Variants in WDR7 observed in about 807,000 individuals in gnomAD.
The protein encoded by WDR7 is WD repeat-containing protein 7.
In WDR7, 46 loss-of-function variants were observed where a neutral mutation model predicts 169.4. The ratio of observed to expected loss-of-function variants is 0.27; its 90% CI spans 0.21 to 0.35. The LOEUF (loss-of-function observed/expected upper bound fraction) is 0.35, where lower values mean the gene tolerates loss of function less well. WDR7 is among the 10% of genes least tolerant of loss of function. WDR7 has a pLI of 1.00. For missense variants in WDR7, 1,534 were observed against 1,859.3 expected, an observed-to-expected ratio of 0.83 and a Z score of 3.22; for synonymous variants, 612 against 666.8, an observed-to-expected ratio of 0.92 and a Z score of 1.27.
chr18:56,904,242 G>A (rs2046445699), intron 21 of WDR7, among the ~76,000 whole-genome samples: 1 of 151,848 alleles, frequency 6.6e-6, no homozygotes, highest in South Asian at 2.1e-4. Context: ...GCTAATTTTT[G>A]TATTTTTAAT....
At chr18:56,700,247 A>ATTTTTTTT (rs2025794017) in intron 12 of WDR7, among the ~76,000 whole-genome samples, 1 of 72,420 alleles carries the variant, frequency 1.4e-5, no homozygotes. Context: ...TTTATTTTTC[A>ATTTTTTTT]TTTTCTTTTT....
At chr18:56,751,209 T>C (rs2043785701) in intron 14 of WDR7, among the ~76,000 whole-genome samples, 1 of 152,142 alleles carries the variant, frequency 6.6e-6, no homozygotes, top group Non-Finnish European at 1.5e-5. Context: ...ACCTTTCAGG[T>C]GTCCATGCAC....
chr18:56,760,369 C>A (rs1213652904), intron 16 of WDR7, among the ~76,000 whole-genome samples: 2 of 152,098 alleles, frequency 1.3e-5, no homozygotes, highest in African/African-American at 4.8e-5. Flanking sequence ...TACAGTTGTA[C>A]CACCTAAGTT....
intron 2 of WDR7, among the ~76,000 whole-genome samples, chr18:56,675,687 C>G (rs990854552): frequency 6.6e-6 from 1 of 151,392 alleles, no homozygotes; most frequent in Middle Eastern, 3.2e-3. Flanking sequence ...AATAGGGATG[C>G]CTTTTATTTC....
chr18:56,957,506 A>T (rs1331511893), intron 25 of WDR7: 1 of 151,952 alleles, frequency 6.6e-6, no homozygotes, highest in Non-Finnish European at 1.5e-5. Flanking sequence ...CTCTCTTAAG[A>T]TCCAGATCCA....
intron 22 of WDR7, among the ~76,000 whole-genome samples, chr18:56,925,470 G>A (rs2046793342): frequency 6.6e-6 from 1 of 152,048 alleles, no homozygotes; most frequent in African/African-American, 2.4e-5. Flanking sequence ...GTATGAAGTG[G>A]TTGGAATTCT....
At chr18:56,654,066 C>A (rs185573070) in intron 1 of WDR7, among the ~76,000 whole-genome samples, 1 of 152,170 alleles carries the variant, frequency 6.6e-6, no homozygotes, top group Non-Finnish European at 1.5e-5. Flanking sequence ...CTAATAGATA[C>A]AAAATTAAAT....
At chr18:57,010,694 T>G (rs2145914688) in intron 26 of WDR7, among the ~76,000 whole-genome samples, 1 of 152,320 alleles carries the variant, frequency 6.6e-6, no homozygotes, top group South Asian at 2.1e-4. Context: ...TAATTGGATA[T>G]TCTATTGTTA....
intron 20 of WDR7, among the ~76,000 whole-genome samples, chr18:56,853,884 T>C (rs2045678306): frequency 6.6e-6 from 1 of 152,240 alleles, no homozygotes; most frequent in African/African-American, 2.4e-5. Flanking sequence ...GCTGTAGTTG[T>C]CATTTTTATG....
At chr18:56,796,669 A>G (rs769425458) in intron 19 of WDR7, among the ~76,000 whole-genome samples, 2 of 152,222 alleles carry the variant, frequency 1.3e-5, no homozygotes, top group Non-Finnish European at 2.9e-5. Context: ...TAATTATGTA[A>G]TAATACACAA....
chr18:56,653,706 AT>A (rs1283991145), intron 1 of WDR7, among the ~76,000 whole-genome samples: 50 of 152,254 alleles, frequency 3.3e-4, no homozygotes, highest in African/African-American at 1.1e-3. Context: ...GATCTATTGC[AT>A]TGCTGTTCTT....
chr18:56,930,087 A>T (rs2046860875), intron 22 of WDR7, among the ~76,000 whole-genome samples: 1 of 152,178 alleles, frequency 6.6e-6, no homozygotes, highest in Admixed American at 6.5e-5. Flanking sequence ...CGAGCATCAC[A>T]TACTGCCACA....
intron 25 of WDR7, among the ~76,000 whole-genome samples, chr18:56,940,396 T>G (rs1282339838): frequency 2.0e-5 from 3 of 152,184 alleles, no homozygotes; most frequent in South Asian, 2.1e-4. Flanking sequence ...TCCTATCTCT[T>G]TATTTTGCAG....
At chr18:56,985,824 A>G (rs2047708542) in intron 26 of WDR7, among the ~76,000 whole-genome samples, 1 of 152,122 alleles carries the variant, frequency 6.6e-6, no homozygotes, top group Admixed American at 6.5e-5. Flanking sequence ...ATCCTAAGAA[A>G]CAGGCTTTTT....
chr18:56,871,100 A>G (rs185010009), intron 20 of WDR7, among the ~76,000 whole-genome samples: 38 of 152,258 alleles, frequency 2.5e-4, no homozygotes, highest in Non-Finnish European at 4.7e-4. Context: ...TTATTGACTA[A>G]CATTTGTAGG....
intron 12 of WDR7, among the ~76,000 whole-genome samples, chr18:56,715,458 T>C (rs2026171036): frequency 6.6e-6 from 1 of 152,172 alleles, no homozygotes; most frequent in Admixed American, 6.5e-5. Flanking sequence ...AATAGGTCAG[T>C]TAGATGTGTG....
At chr18:56,727,646 T>C (rs773943110) in intron 13 of WDR7, among the ~76,000 whole-genome samples, 2 of 152,158 alleles carry the variant, frequency 1.3e-5, no homozygotes, top group Non-Finnish European at 2.9e-5. Flanking sequence ...TATCTCCACC[T>C]CGTCCCACGC....
Position 56,761,659 on chromosome 18 carries a change from A to G in WDR7, c.2848+2706A>G, listed in dbSNP as rs1020254461. Among the ~76,000 whole-genome samples the G allele has an allele frequency of 3.9e-5, 6 of 151,972 alleles. No homozygotes were observed. In the East Asian group the frequency reaches 9.6e-4, roughly 24 times the overall value. On this transcript the variant is annotated intron_variant, in intron 16 of 27. Transcript: ENST00000254442. ...GCATTTATTTAGGTGTTCTTTATCT[A>G]TCATAACTCATATGGTTTTATGTGT...
At chr18:56,731,240 GA>G in intron 13 of WDR7, 142 bp from the exon 14 acceptor site, 1 of 796,126 alleles carries the variant, frequency 1.3e-6, no homozygotes, top group Non-Finnish European at 1.9e-6. Flanking sequence ...ATTGTTAGAG[GA>G]AGGAAGTACA....
Sources: allele counts gnomAD v4.1 joint callset (sites outside exome capture counted in the v4.1 genomes callset), GRCh38; gene constraint gnomAD v4.1.1; transcripts MANE v1.5; gene names NCBI Gene and HGNC (gene_info 2026-07-23, HGNC 2026-07-21).